The following SLC1A2 variants were observed in gnomAD, a reference collection of about 807,000 sequenced individuals.
The protein encoded by SLC1A2 is excitatory amino acid transporter 2.
Under a neutral mutation model 48.8 loss-of-function variants are expected in SLC1A2, and 15 were observed. That is an observed-to-expected ratio of 0.31 (90% CI 0.21 to 0.47). SLC1A2 has a LOEUF of 0.47. Ranked by LOEUF, SLC1A2 falls within the 20% of genes least tolerant of loss-of-function variation. The probability of loss-of-function intolerance (pLI) is 0.99; values close to 1 mark genes in which losing one functional copy is unlikely to be tolerated. For missense variants in SLC1A2, 502 were observed against 730.5 expected, an observed-to-expected ratio of 0.69 and a Z score of 3.61; for synonymous variants, 279 against 272.6, an observed-to-expected ratio of 1.02 and a Z score of -0.23.
At chr11:35,369,384 C>T (rs987250894) in intron 1 of SLC1A2, among the ~76,000 whole-genome samples, 6 of 152,218 alleles carry the variant, frequency 3.9e-5, no homozygotes, top group African/African-American at 7.2e-5. Flanking sequence ...TTTCCATCCT[C>T]ATACTAGAAT....
chr11:35,324,979 A>G (rs1449172562), intron 1 of SLC1A2, among the ~76,000 whole-genome samples: 2 of 152,226 alleles, frequency 1.3e-5, no homozygotes, highest in Non-Finnish European at 2.9e-5. Flanking sequence ...GCCATGGCCC[A>G]GGAACATATT....
rs974073820 is a variant in SLC1A2 at position 35,260,804 on chromosome 11, T to A, written c.*90A>T. 446 of 955,170 alleles carry A rather than the reference T, an allele frequency of 4.7e-4. No individual in the cohort carries two copies. The highest frequency in any genetic ancestry group is 5.1e-4 in the Non-Finnish European group (298 of 589,706). 59.2% of individuals were successfully genotyped at this position (955,170 alleles called of 1,614,324 possible). A position where few individuals can be genotyped will look rare whatever the true frequency, so the allele number is the denominator to read the frequency against. Reference sequence around the variant, plus strand: ...AGTAAACATAGAAATATACGCATTTTTTTCCTTTTTAAAGAAAGCTTGTTT... The same window carrying A: ...AGTAAACATAGAAATATACGCATTTATTTCCTTTTTAAAGAAAGCTTGTTT... On this transcript the variant is annotated 3_prime_UTR_variant, in exon 11 of 11. Transcript: ENST00000278379.
intron 9 of SLC1A2, among the ~76,000 whole-genome samples, chr11:35,273,349 G>T (rs2134648314): frequency 6.6e-6 from 1 of 152,274 alleles, no homozygotes; most frequent in East Asian, 1.9e-4. Flanking sequence ...AGAGCGTGAA[G>T]TCCGGATACC....
At chr11:35,287,220 T>C (rs1850849127) in intron 7 of SLC1A2, among the ~76,000 whole-genome samples, 1 of 152,142 alleles carries the variant, frequency 6.6e-6, no homozygotes, top group Non-Finnish European at 1.5e-5. Flanking sequence ...ATTTTTTCTT[T>C]TGGCCACTGT....
intron 1 of SLC1A2, among the ~76,000 whole-genome samples, chr11:35,417,492 C>A (rs1855643280): frequency 1.3e-5 from 2 of 152,208 alleles, no homozygotes; most frequent in African/African-American, 4.8e-5. Flanking sequence ...CATATCTTTT[C>A]TAATATAAAA....
intron 1 of SLC1A2, among the ~76,000 whole-genome samples, chr11:35,357,444 A>G (rs1853521466): frequency 6.6e-6 from 1 of 152,232 alleles, no homozygotes. Flanking sequence ...AAAATGGGTA[A>G]AAAGCATTAT....
At chr11:35,414,895 G>A (rs1445836082) in intron 1 of SLC1A2, among the ~76,000 whole-genome samples, 2 of 152,200 alleles carry the variant, frequency 1.3e-5, no homozygotes, top group Non-Finnish European at 1.5e-5. Flanking sequence ...CCAGTCCAAT[G>A]GGAGAAAAAT....
At chr11:35,354,262 G>T (rs1362161399) in intron 1 of SLC1A2, among the ~76,000 whole-genome samples, 1 of 151,920 alleles carries the variant, frequency 6.6e-6, no homozygotes, top group African/African-American at 2.4e-5. Flanking sequence ...GACCAGCCTG[G>T]TCAATATAAC....
At chr11:35,411,901 A>G (rs1923291) in intron 1 of SLC1A2, among the ~76,000 whole-genome samples, 104,777 of 152,018 alleles carry the variant, frequency 0.69, 36,673 homozygotes, top group African/African-American at 0.81. Context: ...TTTCTGTAAT[A>G]GTTGCTGTCC....
Position 35,257,184 on chromosome 11 carries a change from A to G in SLC1A2, c.*3710T>C, listed in dbSNP as rs1019941636. ...GATGTATTTCTCCACACACAAGTGG[A>G]AATGACCAGAGACCCTCTAATCAAC... On this transcript the variant is annotated 3_prime_UTR_variant, in exon 11 of 11. Coordinates refer to ENST00000278379, the MANE Select transcript of SLC1A2 (RefSeq NM_004171.4). 1.3e-5 allele frequency: 2 copies of G among 152,162 alleles called. No homozygotes were observed. The highest frequency in any genetic ancestry group is 2.9e-5 in the Non-Finnish European group (2 of 68,016). 9.4% of individuals were successfully genotyped at this position (152,162 alleles called of 1,614,324 possible).
chr11:35,265,205 C>G, intron 10 of SLC1A2: 1 of 420,858 alleles, frequency 2.4e-6, no homozygotes, highest in South Asian at 4.9e-5. Flanking sequence ...GGCCTAGTAA[C>G]CACAAATTCT....
At chr11:35,400,714 C>T (rs1229145781) in intron 1 of SLC1A2, among the ~76,000 whole-genome samples, 1 of 152,126 alleles carries the variant, frequency 6.6e-6, no homozygotes, top group Non-Finnish European at 1.5e-5. Context: ...AGTCTAACTA[C>T]TTGATTCTCC....
At chr11:35,403,539 T>C (rs1243442025) in intron 1 of SLC1A2, among the ~76,000 whole-genome samples, 2 of 152,194 alleles carry the variant, frequency 1.3e-5, no homozygotes, top group African/African-American at 2.4e-5. Flanking sequence ...TGCACGTAAT[T>C]TGGGCAAAAT....
At chr11:35,319,404 T>A (rs1377768397) in intron 1 of SLC1A2, among the ~76,000 whole-genome samples, 1 of 152,208 alleles carries the variant, frequency 6.6e-6, no homozygotes, top group East Asian at 1.9e-4. Context: ...GGAGGTAGTA[T>A]GCGTTCTGAA....
intron 1 of SLC1A2, among the ~76,000 whole-genome samples, chr11:35,328,828 T>C (rs1852332370): frequency 6.6e-6 from 1 of 152,164 alleles, no homozygotes; most frequent in African/African-American, 2.4e-5. Context: ...CTAGAGAGTC[T>C]TCCTGTCCCC....
At chr11:35,307,811 TGGGAAGGGA>T (rs1454162783) in intron 4 of SLC1A2, among the ~76,000 whole-genome samples, 5 of 152,100 alleles carry the variant, frequency 3.3e-5, no homozygotes, top group African/African-American at 9.7e-5. Flanking sequence ...TTAAAATGGA[TGGGAAGGGA>T]GGTCAGTGTT....
chr11:35,322,624 G>A, intron 1 of SLC1A2: 1 of 1,535,182 alleles, frequency 6.5e-7, no homozygotes, highest in Non-Finnish European at 8.7e-7. Context: ...ATCTGGAGAG[G>A]TACTGGGGAG....
intron 1 of SLC1A2, among the ~76,000 whole-genome samples, chr11:35,329,236 C>T (rs968151181): frequency 1.4e-4 from 21 of 152,216 alleles, no homozygotes; most frequent in African/African-American, 2.4e-4. Flanking sequence ...AGGTGAAGCA[C>T]GGAGGATTTT....
At chr11:35,304,969 G>A (rs977653712) in intron 5 of SLC1A2, among the ~76,000 whole-genome samples, 1 of 152,322 alleles carries the variant, frequency 6.6e-6, no homozygotes, top group Admixed American at 6.5e-5. Context: ...AGATGACAAC[G>A]TGAAAGGACT....
Sources: gnomAD v4.1 joint callset for allele counts (sites outside exome capture counted in the v4.1 genomes callset) on GRCh38, gnomAD v4.1.1 for gene constraint, MANE v1.5 for transcripts, NCBI Gene and HGNC (gene_info 2026-07-23, HGNC 2026-07-21) for gene names.